KIRREL3: variants seen among roughly 807,000 people sequenced by gnomAD.
KIRREL3 encodes kirre like nephrin family adhesion molecule 3.
A neutral mutation model predicts 89.7 loss-of-function variants in KIRREL3; 36 were observed. That is an observed-to-expected ratio of 0.40 (90% CI 0.31 to 0.53). KIRREL3 has a LOEUF of 0.53. KIRREL3 is among the 20% of genes least tolerant of loss of function. The pLI, the probability that KIRREL3 is intolerant of heterozygous loss-of-function variation, is 0.49. For missense variants in KIRREL3, 864 were observed against 1,056.6 expected (o/e 0.82, Z 2.53); for synonymous variants, 445 against 441.4 (o/e 1.01, Z -0.10).
chr11:126,790,791 A>G (rs114156458), intron 1 of KIRREL3, among the ~76,000 whole-genome samples: 5,442 of 152,126 alleles, frequency 0.036, 313 homozygotes, highest in African/African-American at 0.12. Context: ...GAGCAGCCAC[A>G]TCTGCTTGGG....
At position 126,489,126 on chromosome 11, in the gene KIRREL3, A is replaced by G. The variant is rs1329575884; in HGVS notation, c.434-15660T>C. On this transcript the variant is annotated intron_variant, in intron 4 of 16. Coordinates refer to ENST00000525144, the MANE Select transcript of KIRREL3 (RefSeq NM_032531.4). This position sits in a 1 kb window ranked among gnomAD's most constrained non-coding sequence, Gnocchi z 5.5. ...CATCCTGGGGTGCATCCCAGGGCTCAGCCTGGGACCTCAGCATGGGGCTGA... is the reference window on the plus strand; with the variant it reads ...CATCCTGGGGTGCATCCCAGGGCTCGGCCTGGGACCTCAGCATGGGGCTGA... Among the ~76,000 whole-genome samples the G allele has an allele frequency of 6.6e-6, 1 of 152,196 alleles. No individual in the cohort carries two copies. The highest frequency in any genetic ancestry group is 2.4e-5 in the African/African-American group (1 of 41,450).
intron 10 of KIRREL3, among the ~76,000 whole-genome samples, chr11:126,444,133 C>G (rs548649821): frequency 6.6e-6 from 1 of 152,318 alleles, no homozygotes; most frequent in East Asian, 1.9e-4. Flanking sequence ...CTACATATTT[C>G]ATGTAACAGT....
At chr11:126,758,698 T>C (rs1474628972) in intron 1 of KIRREL3, among the ~76,000 whole-genome samples, 1 of 152,202 alleles carries the variant, frequency 6.6e-6, no homozygotes, top group African/African-American at 2.4e-5. Flanking sequence ...AGACCTTGCA[T>C]GATAAGGTAA....
At chr11:126,665,622 G>A (rs557921522) in intron 1 of KIRREL3, among the ~76,000 whole-genome samples, 6 of 152,274 alleles carry the variant, frequency 3.9e-5, no homozygotes, top group African/African-American at 1.4e-4. Context: ...ACCAGGAGGC[G>A]GGTCTGGACC....
At chr11:126,467,662 C>T in intron 5 of KIRREL3, among the ~76,000 whole-genome samples, 1 of 151,562 alleles carries the variant, frequency 6.6e-6, no homozygotes, top group African/African-American at 2.4e-5. Context: ...CATGGCTCTG[C>T]TTCCCCTTTT....
At chr11:126,679,694 C>T (rs1006380676) in intron 1 of KIRREL3, among the ~76,000 whole-genome samples, 8 of 152,166 alleles carry the variant, frequency 5.3e-5, no homozygotes, top group African/African-American at 1.7e-4. Flanking sequence ...GTATAAATCA[C>T]GAAGTTTTTC....
chr11:126,426,860 C>T (rs1019197452), intron 15 of KIRREL3, among the ~76,000 whole-genome samples: 14 of 152,238 alleles, frequency 9.2e-5, no homozygotes, highest in African/African-American at 3.1e-4. Flanking sequence ...CCAGTAAATG[C>T]TCTGGCACTG....
intron 1 of KIRREL3, among the ~76,000 whole-genome samples, chr11:126,832,394 A>G (rs1266543890): frequency 6.6e-6 from 1 of 152,232 alleles, no homozygotes; most frequent in Non-Finnish European, 1.5e-5. Context: ...GAAAGTTATA[A>G]TAGCTTTAAA....
At chr11:126,980,147 G>C (rs116055219) in intron 1 of KIRREL3, among the ~76,000 whole-genome samples, 1 of 152,156 alleles carries the variant, frequency 6.6e-6, no homozygotes, top group Admixed American at 6.5e-5. Context: ...AATATGAAGC[G>C]TATTTCAGTA....
At chr11:126,982,767 T>C (rs1289537986) in intron 1 of KIRREL3, among the ~76,000 whole-genome samples, 1 of 152,222 alleles carries the variant, frequency 6.6e-6, no homozygotes, top group Non-Finnish European at 1.5e-5. Context: ...CAGCAAATCA[T>C]ACATGGACAA....
rs891265472 is a variant in KIRREL3 at position 126,750,692 on chromosome 11, C to T, written c.56-187780G>A. Among the ~76,000 whole-genome samples, 8 of 152,174 alleles carry T rather than the reference C, an allele frequency of 5.3e-5. No homozygotes were observed. The highest frequency in any genetic ancestry group is 1.0e-4 in the Non-Finnish European group (7 of 68,040). On this transcript the variant is annotated intron_variant, in intron 1 of 16. Transcript: ENST00000525144. This position sits in a 1 kb window ranked among gnomAD's most constrained non-coding sequence, Gnocchi z 4.2. Reference sequence around the variant, plus strand: ...TTTAGTGGTTCCCCAGCTTCTGGTTCCCTGACACCAGGAAGTAGGTATAAT... The same window carrying T: ...TTTAGTGGTTCCCCAGCTTCTGGTTTCCTGACACCAGGAAGTAGGTATAAT...
intron 4 of KIRREL3, among the ~76,000 whole-genome samples, chr11:126,488,869 T>C (rs1450426114): frequency 1.3e-5 from 2 of 152,216 alleles, no homozygotes; most frequent in African/African-American, 4.8e-5. Context: ...CTGGCCACCT[T>C]TGCAGCCTTA....
chr11:126,703,198 T>C lies in KIRREL3; in HGVS notation c.56-140286A>G, dbSNP rs1460170729. On this transcript the variant is annotated intron_variant, in intron 1 of 16. Transcript: ENST00000525144. The surrounding 1 kb of genome is among the most constrained non-coding windows in gnomAD (Gnocchi z 4.6). Reference sequence around the variant, plus strand: ...TCCAGCCGTGCTGCTTCCTGCCATTTACTCCATCTGACCTACTTCACAGGC... The same window carrying C: ...TCCAGCCGTGCTGCTTCCTGCCATTCACTCCATCTGACCTACTTCACAGGC... 1.3e-5 allele frequency among the ~76,000 whole-genome samples: 2 copies of C among 152,248 alleles called. No individual in the cohort carries two copies. Among genetic ancestry groups the C allele is most frequent in the Non-Finnish European group, 1.5e-5 (1 of 68,044 alleles).
chr11:126,445,125 C>T lies in KIRREL3; in HGVS notation c.1126-20G>A, dbSNP rs561688504. ...CAGGACCTAGGAGAATTGGCAGGCT[C>T]AGATGCCAAGAGCAGGCGGAGGGGT... On this transcript the variant is annotated intron_variant, in intron 9 of 16. Transcript: ENST00000525144. The T allele has an allele frequency of 1.3e-5, 21 of 1,613,088 alleles. No individual in the cohort carries two copies. In the East Asian group the frequency reaches 3.1e-4, roughly 24 times the overall value.
intron 1 of KIRREL3, among the ~76,000 whole-genome samples, chr11:126,859,080 A>G (rs1029423347): frequency 6.6e-6 from 1 of 152,176 alleles, no homozygotes; most frequent in Admixed American, 6.5e-5. Context: ...GAAGTTCTGC[A>G]AAGATAACTG....
At chr11:126,714,411 C>T (rs992429333) in intron 1 of KIRREL3, among the ~76,000 whole-genome samples, 1 of 152,232 alleles carries the variant, frequency 6.6e-6, no homozygotes, top group African/African-American at 2.4e-5. Context: ...TTCAACTAGA[C>T]ATGCAGAAGA....
At position 126,531,595 on chromosome 11, in the gene KIRREL3, C is replaced by T. The variant is rs1958946800; in HGVS notation, c.134-4908G>A. Among the ~76,000 whole-genome samples, 3 of 134,056 alleles carry T rather than the reference C, an allele frequency of 2.2e-5. No homozygotes were observed. The South Asian group carries it at 7.1e-4, about 32-fold the overall frequency. 87.9% of individuals were successfully genotyped at this position (134,056 alleles called of 152,430 possible). On this transcript the variant is annotated intron_variant, in intron 2 of 16. Transcript: ENST00000525144. This position sits in a 1 kb window ranked among gnomAD's most constrained non-coding sequence, Gnocchi z 4.7. ...CCCACCCAAGGCCCCCCCTAAGCAA[C>T]CCCACCTATCATTGAAGGCCCAGTT... is the stretch of plus-strand genomic sequence containing the variant.
chr11:126,883,392 C>G lies in KIRREL3; in HGVS notation c.55+117063G>C, dbSNP rs1319454841. Among the ~76,000 whole-genome samples the G allele has an allele frequency of 6.6e-6, 1 of 152,150 alleles. No homozygotes were observed. Among genetic ancestry groups the G allele is most frequent in the Admixed American group, 6.5e-5 (1 of 15,286 alleles). On this transcript the variant is annotated intron_variant, in intron 1 of 16. Coordinates refer to ENST00000525144, the MANE Select transcript of KIRREL3 (RefSeq NM_032531.4). This position sits in a 1 kb window ranked among gnomAD's most constrained non-coding sequence, Gnocchi z 4.1. The stretch of plus-strand genomic sequence containing the variant: ...GTCGCACTTCCTGTCACCTCTCTCT[C>G]CTGCATCCCTCTCTATCTATGTTCC...
Position 126,564,879 on chromosome 11 carries a change from C to T in KIRREL3, c.56-1967G>A, listed in dbSNP as rs1455428124. Among the ~76,000 whole-genome samples, 5 of 152,224 alleles carry T rather than the reference C, an allele frequency of 3.3e-5. No individual in the cohort carries two copies. The highest frequency in any genetic ancestry group is 2.1e-4 in the South Asian group (1 of 4,832). ...CTGTATTGAAACCTCAACACGCTGA[C>T]GACAGGCAGAGTTAACCAGCCCATT... is the stretch of plus-strand genomic sequence containing the variant. On this transcript the variant is annotated intron_variant, in intron 1 of 16. Coordinates refer to ENST00000525144, the MANE Select transcript of KIRREL3 (RefSeq NM_032531.4). This position sits in a 1 kb window ranked among gnomAD's most constrained non-coding sequence, Gnocchi z 7.4.
Sources: gnomAD v4.1 joint callset for allele counts (sites outside exome capture counted in the v4.1 genomes callset) on GRCh38, gnomAD v4.1.1 for gene constraint, Gnocchi (gnomAD v3.1) non-coding constraint, MANE v1.5 for transcripts, NCBI Gene and HGNC (gene_info 2026-07-23, HGNC 2026-07-21) for gene names.